Variants in OSBPL10 observed in about 807,000 individuals in gnomAD.
OSBPL10 encodes the protein oxysterol binding protein like 10.
A neutral mutation model predicts 81.7 loss-of-function variants in OSBPL10; 49 were observed. That is an observed-to-expected ratio of 0.60 (90% CI 0.48 to 0.76). The LOEUF is 0.76. Among genes scored for constraint, OSBPL10 ranks in the 30% least tolerant of loss-of-function variants. OSBPL10 has a pLI of 0.00. For synonymous variants in OSBPL10, 419 were observed against 383.6 expected (o/e 1.09, Z -1.08); for missense variants, 923 against 987.8 (o/e 0.93, Z 0.88).
intron 7 of OSBPL10, among the ~76,000 whole-genome samples, chr3:31,691,562 T>C (rs1255200536): frequency 6.6e-6 from 1 of 152,046 alleles, no homozygotes; most frequent in Non-Finnish European, 1.5e-5. Flanking sequence ...ACACAAAAAA[T>C]GTTTTTAAAT....
chr3:31,864,209 C>T (rs1393320077), intron 3 of OSBPL10, among the ~76,000 whole-genome samples: 1 of 152,118 alleles, frequency 6.6e-6, no homozygotes, highest in African/African-American at 2.4e-5. Flanking sequence ...GTCAGGAAGG[C>T]ATCACAGAAG....
At chr3:31,922,012 T>A (rs1214122592) in intron 1 of OSBPL10, among the ~76,000 whole-genome samples, 1 of 152,164 alleles carries the variant, frequency 6.6e-6, no homozygotes, top group African/African-American at 2.4e-5. Flanking sequence ...TACACCTGAC[T>A]AGTAGTCCTC....
At chr3:31,832,943 G>C (rs543662256) in intron 3 of OSBPL10, among the ~76,000 whole-genome samples, 29 of 152,320 alleles carry the variant, frequency 1.9e-4, no homozygotes, top group Admixed American at 5.2e-4. Flanking sequence ...AGTGGGGCGA[G>C]AGCCAGGGTA....
At chr3:31,977,520 C>G (rs1468691008) in intron 1 of OSBPL10, among the ~76,000 whole-genome samples, 1 of 152,186 alleles carries the variant, frequency 6.6e-6, no homozygotes, top group Non-Finnish European at 1.5e-5. Flanking sequence ...GGTCATCTGC[C>G]TCCTCAAGTT....
intron 4 of OSBPL10, among the ~76,000 whole-genome samples, chr3:31,796,993 ATTTT>A (rs71097443): frequency 2.4e-5 from 3 of 123,610 alleles, no homozygotes; most frequent in African/African-American, 9.3e-5. Flanking sequence ...ATTTTTATTA[ATTTT>A]TTTTTTTTTT....
intron 4 of OSBPL10, among the ~76,000 whole-genome samples, chr3:31,776,956 A>G (rs1415597218): frequency 6.6e-6 from 1 of 152,234 alleles, no homozygotes; most frequent in Non-Finnish European, 1.5e-5. Context: ...CACCTCAATA[A>G]AACAATTTTT....
chr3:31,879,960 C>T, intron 1 of OSBPL10, 130 bp from the exon 2 acceptor site: 1 of 956,234 alleles, frequency 1.0e-6, no homozygotes. Context: ...ACCAAAAGTC[C>T]CTCCCAGATG....
At chr3:31,833,113 G>C (rs1435130933) in intron 3 of OSBPL10, among the ~76,000 whole-genome samples, 3 of 152,190 alleles carry the variant, frequency 2.0e-5, no homozygotes, top group Non-Finnish European at 1.5e-5. Context: ...AGTAGAGGGA[G>C]AAAGAGGATA....
intron 4 of OSBPL10, among the ~76,000 whole-genome samples, chr3:31,803,823 G>A (rs1389567538): frequency 6.6e-6 from 1 of 152,118 alleles, no homozygotes; most frequent in Non-Finnish European, 1.5e-5. Flanking sequence ...GTGCACTTTT[G>A]GTAAGAATAA....
chr3:32,070,032 G>A lies in OSBPL10; in HGVS notation n.185+7364C>T, dbSNP rs1033628361. Among the ~76,000 whole-genome samples, 4 of 152,282 alleles carry A rather than the reference G, an allele frequency of 2.6e-5. No homozygotes were observed. In the East Asian group the frequency reaches 7.7e-4, roughly 29 times the overall value. ...CTGGAGCCCAAACCCAGTGTTCCCT[G>A]GCTGACTCCTTCCCAGATCTCCTCA... is the stretch of plus-strand genomic sequence containing the variant. On this transcript the variant is annotated intron_variant and non_coding_transcript_variant, in intron 1 of 3. Transcript: ENST00000479173.
Position 31,661,905 on chromosome 3 carries a change from C to G in OSBPL10, c.*167G>C. ...CTCTTGAATAAATTCATTCCTCTAG[C>G]AGAGTGTGGGGGTGCACTTTTCATA... On this transcript the variant is annotated 3_prime_UTR_variant, in exon 12 of 12. Transcript: ENST00000396556. 1.0e-6 allele frequency: 1 copy of G among 982,336 alleles called. No homozygotes were observed. Among genetic ancestry groups the G allele is most frequent in the Non-Finnish European group, 1.5e-6 (1 of 678,706 alleles). The allele number at this position is 982,336 out of a possible 1,614,324, so 60.9% of individuals were successfully genotyped here. A position where few individuals can be genotyped will look rare whatever the true frequency, so the allele number is the denominator to read the frequency against.
chr3:32,053,879 A>T (rs1699687557), intron 1 of OSBPL10, among the ~76,000 whole-genome samples: 3 of 152,136 alleles, frequency 2.0e-5, no homozygotes. Context: ...CAAGAGAATC[A>T]CTTGAACACG....
chr3:32,059,794 C>T (rs1479463824), intron 1 of OSBPL10, among the ~76,000 whole-genome samples: 1 of 151,602 alleles, frequency 6.6e-6, no homozygotes, highest in African/African-American at 2.4e-5. Context: ...TGCCTGTAGT[C>T]CCAGCTACTT....
chr3:31,703,457 G>A (rs1051361363), intron 6 of OSBPL10, among the ~76,000 whole-genome samples: 1 of 152,162 alleles, frequency 6.6e-6, no homozygotes, highest in Non-Finnish European at 1.5e-5. Context: ...GCTCAAAGAT[G>A]TTAAACATGA....
chr3:31,914,702 A>G (rs1428744037), intron 1 of OSBPL10, among the ~76,000 whole-genome samples: 2 of 152,218 alleles, frequency 1.3e-5, no homozygotes, highest in African/African-American at 4.8e-5. Flanking sequence ...GACCCACTAC[A>G]AATGCCCAAC....
chr3:31,701,959 TTC>T, intron 7 of OSBPL10: 1 of 165,876 alleles, frequency 6.0e-6, no homozygotes, highest in South Asian at 1.8e-4. Flanking sequence ...GTGCCACCAT[TTC>T]CCTTCCCCAT....
At chr3:31,968,499 T>C (rs1354197218) in intron 1 of OSBPL10, among the ~76,000 whole-genome samples, 1 of 141,052 alleles carries the variant, frequency 7.1e-6, no homozygotes, top group Admixed American at 7.1e-5. Flanking sequence ...GCTTTGCTTC[T>C]ATTTTGAAGG....
intron 3 of OSBPL10, among the ~76,000 whole-genome samples, chr3:31,850,631 C>A (rs1259264075): frequency 1.3e-5 from 2 of 152,130 alleles, no homozygotes; most frequent in African/African-American, 4.8e-5. Flanking sequence ...AGGTCAGTGG[C>A]AGAGCACTCC....
intron 10 of OSBPL10, 58 bp from the exon 11 acceptor site, chr3:31,664,290 G>T: frequency 6.3e-7 from 1 of 1,580,378 alleles, no homozygotes. Context: ...GCAAGCTAAC[G>T]GAACTCTGCC....
Sources: allele counts gnomAD v4.1 joint callset (sites outside exome capture counted in the v4.1 genomes callset), GRCh38; gene constraint gnomAD v4.1.1; transcripts MANE v1.5; gene names NCBI Gene and HGNC (gene_info 2026-07-23, HGNC 2026-07-21).